Variants in CDH23 observed in about 807,000 individuals in gnomAD.
CDH23 encodes the protein cadherin related 23.
Under a neutral mutation model 317.1 loss-of-function variants are expected in CDH23, and 189 were observed. The observed-to-expected ratio is 0.60, with a 90% confidence interval of 0.53 to 0.67. The LOEUF is 0.67. CDH23 is among the 30% of genes least tolerant of loss of function. The probability of loss-of-function intolerance (pLI) is 0.00; values close to 1 mark genes in which losing one functional copy is unlikely to be tolerated. For synonymous variants in CDH23, 1,839 were observed against 1,876.8 expected, an observed-to-expected ratio of 0.98 and a Z score of 0.52; for missense variants, 4,401 against 4,592.4, an observed-to-expected ratio of 0.96 and a Z score of 1.20.
Position 71,668,541 on chromosome 10 carries a change from A to G in CDH23, c.1450-6571A>G, listed in dbSNP as rs1864007385. 3.9e-5 allele frequency among the ~76,000 whole-genome samples: 6 copies of G among 152,154 alleles called. No individual in the cohort carries two copies. The South Asian group carries it at 1.2e-3, about 32-fold the overall frequency. On this transcript the variant is annotated intron_variant, in intron 14 of 69. Transcript: ENST00000224721. ...TGTTTCACCCTGGCCAAGTCGATTG[A>G]TCTCTCTTGAGTCTCTGTCCCCTCC... is the stretch of plus-strand genomic sequence containing the variant.
chr10:71,695,465 G>A lies in CDH23; in HGVS notation c.2337G>A (p.Lys779=), dbSNP rs111033461. ...TCAATGACAACCACCCCACGTGGAA[G>A]GACGCACCCTACTACATCAACCTGG... is the stretch of plus-strand genomic sequence containing the variant. ...LDINDNHPTW[K]DAPYYINLVE... Residue 779 remains lysine (K), a synonymous_variant, in exon 22 of 70, where the codon AAG becomes AAA. Transcript: ENST00000224721. The A allele has an allele frequency of 1.1e-3, 1,812 of 1,613,606 alleles. 13 individuals are homozygous for A. The African/African-American group carries it at 0.021, about 19-fold the overall frequency.
At chr10:71,625,396 T>TTAA (rs1179590707) in intron 11 of CDH23, among the ~76,000 whole-genome samples, 1 of 19,798 alleles carries the variant, frequency 5.1e-5, no homozygotes, top group Non-Finnish European at 1.0e-4. Flanking sequence ...CCAAATAAAT[T>TTAA]AAAAAAAAAA....
chr10:71,653,512 T>G (rs570192385), intron 14 of CDH23, among the ~76,000 whole-genome samples: 1 of 152,336 alleles, frequency 6.6e-6, no homozygotes, highest in South Asian at 2.1e-4. Context: ...AGCCAGATGA[T>G]CCAGGAAAGC....
At chr10:71,450,341 C>CTGCA (rs919465061) in intron 3 of CDH23, among the ~76,000 whole-genome samples, 3 of 150,056 alleles carry the variant, frequency 2.0e-5, no homozygotes, top group African/African-American at 7.4e-5. Flanking sequence ...TCTTGGCTCA[C>CTGCA]TGCAGCCTCC....
At chr10:71,800,229 G>A (rs1479656699) in intron 52 of CDH23, among the ~76,000 whole-genome samples, 3 of 152,222 alleles carry the variant, frequency 2.0e-5, no homozygotes, top group Non-Finnish European at 4.4e-5. Flanking sequence ...GCCTTCCCCA[G>A]TTGCTGGGGC....
At chr10:71,429,985 C>G (rs540458885) in intron 1 of CDH23, among the ~76,000 whole-genome samples, 1 of 152,128 alleles carries the variant, frequency 6.6e-6, no homozygotes, top group Non-Finnish European at 1.5e-5. Context: ...AAGGTGGCTT[C>G]GTAGATGAAG....
At chr10:71,718,492 C>G (rs1866395895) in intron 28 of CDH23, among the ~76,000 whole-genome samples, 1 of 152,242 alleles carries the variant, frequency 6.6e-6, no homozygotes, top group Admixed American at 6.5e-5. Flanking sequence ...AGAGAGCACT[C>G]TGGCTGGGCA....
intron 8 of CDH23, 22 bp from the exon 9 acceptor site, chr10:71,577,892 G>C: frequency 6.3e-7 from 1 of 1,575,074 alleles, no homozygotes; most frequent in African/African-American, 1.3e-5. Flanking sequence ...CCAAACTCAA[G>C]TCCCTCCTCT....
chr10:71,587,667 G>T (rs1859175295), intron 9 of CDH23, among the ~76,000 whole-genome samples: 1 of 152,196 alleles, frequency 6.6e-6, no homozygotes, highest in Non-Finnish European at 1.5e-5. Flanking sequence ...CATGGGAGGA[G>T]ATCCTCGTAG....
intron 44 of CDH23, 70 bp from the exon 45 acceptor site, chr10:71,788,870 C>G (rs1589421913): frequency 1.3e-6 from 1 of 796,956 alleles, no homozygotes; most frequent in East Asian, 2.5e-5. Flanking sequence ...ACCTCCCAAC[C>G]CTCCTCCCAC....
intron 9 of CDH23, among the ~76,000 whole-genome samples, chr10:71,590,438 C>T (rs887450794): frequency 7.9e-5 from 12 of 152,200 alleles, no homozygotes; most frequent in Admixed American, 6.5e-5. Flanking sequence ...CCTCCTACCC[C>T]CTTTGACTGC....
At chr10:71,814,860 T>C in intron 69 of CDH23, 92 bp from the exon 70 acceptor site, 2 of 1,412,122 alleles carry the variant, frequency 1.4e-6, no homozygotes, top group Non-Finnish European at 1.9e-6. Flanking sequence ...GAGCCCAAGG[T>C]TCAGCCACAT....
chr10:71,651,831 G>A (rs1240942705), intron 14 of CDH23, among the ~76,000 whole-genome samples: 1 of 152,210 alleles, frequency 6.6e-6, no homozygotes, highest in Non-Finnish European at 1.5e-5. Flanking sequence ...AGTTGGCAGA[G>A]GTGGTACCTA....
intron 6 of CDH23, among the ~76,000 whole-genome samples, chr10:71,525,105 A>G (rs199957882): frequency 6.6e-6 from 1 of 150,810 alleles, no homozygotes; most frequent in Non-Finnish European, 1.5e-5. Context: ...ACTGGGTTTC[A>G]CCATTTGGCC....
intron 14 of CDH23, among the ~76,000 whole-genome samples, chr10:71,650,103 C>G (rs1367915200): frequency 6.6e-6 from 1 of 152,212 alleles, no homozygotes; most frequent in Non-Finnish European, 1.5e-5. Flanking sequence ...TCCACAGGGA[C>G]AGGTCCCAGG....
chr10:71,736,049 G>A (rs1839555711), intron 34 of CDH23, among the ~76,000 whole-genome samples: 2 of 152,270 alleles, frequency 1.3e-5, no homozygotes, highest in African/African-American at 4.8e-5. Context: ...TGGGAGGAGA[G>A]GCCAGTGGGA....
intron 63 of CDH23, 36 bp downstream of exon 63, chr10:71,811,471 C>G (rs542191190): frequency 6.2e-7 from 1 of 1,614,018 alleles, no homozygotes. Context: ...CCTAGCCGCC[C>G]TCCCCACTGC....
intron 41 of CDH23, among the ~76,000 whole-genome samples, chr10:71,780,790 C>T (rs1309961459): frequency 1.3e-5 from 2 of 152,188 alleles, no homozygotes; most frequent in South Asian, 4.1e-4. Context: ...GCAGGGAAGT[C>T]GGATGGGAAC....
intron 24 of CDH23, among the ~76,000 whole-genome samples, chr10:71,703,338 C>T (rs375428641): frequency 6.6e-6 from 1 of 152,194 alleles, no homozygotes; most frequent in Non-Finnish European, 1.5e-5. Context: ...GAGCATGGGC[C>T]GTGGAGTCCA....
Sources: allele counts gnomAD v4.1 joint callset (sites outside exome capture counted in the v4.1 genomes callset), GRCh38; gene constraint gnomAD v4.1.1; transcripts MANE v1.5; gene names NCBI Gene and HGNC (gene_info 2026-07-23, HGNC 2026-07-21).